AKAP8L: variants seen among roughly 807,000 people sequenced by gnomAD.
The protein encoded by AKAP8L is A-kinase anchor protein 8-like.
AKAP8L carries 34 observed loss-of-function variants against 77.5 expected under a neutral mutation model. The observed-to-expected ratio is 0.44, with a 90% CI of 0.33 to 0.58. The LOEUF is 0.58. Among genes scored for constraint, AKAP8L ranks in the 20% least tolerant of loss-of-function variants. AKAP8L has a pLI of 0.02. For synonymous variants in AKAP8L, 342 were observed against 340.7 expected (o/e 1.00, Z -0.04); for missense variants, 806 against 887.6 (o/e 0.91, Z 1.17).
At chr19:15,408,392 G>A (rs932419453) in intron 2 of AKAP8L, among the ~76,000 whole-genome samples, 3 of 151,798 alleles carry the variant, frequency 2.0e-5, no homozygotes, top group African/African-American at 7.3e-5. Context: ...TGGTGAAACC[G>A]TCTCTACTAA....
In AKAP8L at chr19:15,403,297, G is replaced by C; in HGVS notation, c.362+178C>G. On this transcript the variant is annotated intron_variant, in intron 4 of 13. Coordinates refer to ENST00000397410, the MANE Select transcript of AKAP8L (RefSeq NM_014371.4). The surrounding 1 kb of genome is among the most constrained non-coding windows in gnomAD (Gnocchi z 4.3). ...GGCAGTGCGGCAGGGGTTGAGGGTG[G>C]GTGAGAGGAGACACAAGTCAGAGAC... 1.6e-6 allele frequency: 1 copy of C among 627,684 alleles called. No individual in the cohort carries two copies. The highest frequency in any genetic ancestry group is 2.8e-6 in the Non-Finnish European group (1 of 355,242). 38.9% of individuals were successfully genotyped at this position (627,684 alleles called of 1,614,324 possible).
rs1016258153 is a variant in AKAP8L at position 15,398,784 on chromosome 19, C to T, written c.1157+518G>A. ...CGGGAGCCCTGAGGGCAGACAGACC[C>T]GACCAAGGGGCGTGAAGGGCTCAGC... On this transcript the variant is annotated intron_variant, in intron 9 of 13. Coordinates refer to ENST00000397410, the MANE Select transcript of AKAP8L (RefSeq NM_014371.4). The surrounding 1 kb of genome is among the most constrained non-coding windows in gnomAD (Gnocchi z 9.2). 25 of 997,138 alleles carry T rather than the reference C, an allele frequency of 2.5e-5. No individual in the cohort carries two copies. The highest frequency in any genetic ancestry group is 3.5e-5 in the African/African-American group (2 of 57,302). The allele number at this position is 997,138 out of a possible 1,614,324, so 61.8% of individuals were successfully genotyped here.
intron 12 of AKAP8L, among the ~76,000 whole-genome samples, chr19:15,387,054 C>T (rs1967553959): frequency 6.6e-6 from 1 of 152,200 alleles, no homozygotes; most frequent in Non-Finnish European, 1.5e-5. Flanking sequence ...TATCTTCTAC[C>T]CAGCCACACG....
chr19:15,398,820 C>T lies in AKAP8L; in HGVS notation c.1157+482G>A. 9.8e-7 allele frequency: 1 copy of T among 1,016,738 alleles called. No individual in the cohort carries two copies. The highest frequency in any genetic ancestry group is 1.2e-6 in the Non-Finnish European group (1 of 849,204). The allele number at this position is 1,016,738 out of a possible 1,614,324, so 63.0% of individuals were successfully genotyped here. ...CGTGAAGGGCTCAGCCGCAGACAGGCCCGGCCTGACAGGGCCGGCGGGCAG... is the reference window on the plus strand; with the variant it reads ...CGTGAAGGGCTCAGCCGCAGACAGGTCCGGCCTGACAGGGCCGGCGGGCAG... On this transcript the variant is annotated intron_variant, in intron 9 of 13. Transcript: ENST00000397410. The surrounding 1 kb of genome is among the most constrained non-coding windows in gnomAD (Gnocchi z 9.2).
intron 2 of AKAP8L, among the ~76,000 whole-genome samples, chr19:15,408,051 T>G (rs779469773): frequency 6.6e-6 from 1 of 152,186 alleles, no homozygotes; most frequent in African/African-American, 2.4e-5. Context: ...TTCCAACACT[T>G]TGGGAGGCCG....
At chr19:15,410,437 G>A in intron 2 of AKAP8L, 83 bp downstream of exon 2, 6 of 1,195,014 alleles carry the variant, frequency 5.0e-6, no homozygotes, top group Non-Finnish European at 6.0e-6. Context: ...GCATGACAGG[G>A]TGACAGCAAA....
chr19:15,410,398 C>T (rs984456973), intron 2 of AKAP8L, 122 bp downstream of exon 2: 5 of 807,756 alleles, frequency 6.2e-6, no homozygotes, highest in African/African-American at 5.2e-5. Flanking sequence ...AATGGCCACA[C>T]CATTTCACAC....
In AKAP8L at chr19:15,397,836, G is replaced by C; in HGVS notation, c.1177C>G (p.Leu393Val). 1.9e-6 allele frequency: 3 copies of C among 1,613,916 alleles called. No homozygotes were observed. Among genetic ancestry groups the C allele is most frequent in the Non-Finnish European group, 2.5e-6 (3 of 1,179,866 alleles). ...TCATAGAAGGTCCGGTATTTGCACA[G>C]AGAACACACAAACTGGATCCTGCCA... ...MVERIQFVCS[L>V]CKYRTFYEDE... Residue 393 changes from leucine (L) to valine (V), a missense_variant, in exon 10 of 14, where the codon CTG (leucine) becomes GTG (valine). Leu to Val is a conservative substitution (Grantham distance 32). Coordinates refer to ENST00000397410, the MANE Select transcript of AKAP8L (RefSeq NM_014371.4). This position sits in a 1 kb window ranked among gnomAD's most constrained non-coding sequence, Gnocchi z 4.7.
chr19:15,381,386 T>C (rs1568259262), intron 12 of AKAP8L, among the ~76,000 whole-genome samples: 2 of 152,166 alleles, frequency 1.3e-5, no homozygotes, highest in Non-Finnish European at 2.9e-5. Context: ...AGGTGTATAA[T>C]ATAGTACTGT....
rs1173155423 is a variant in AKAP8L, at chr19:15,403,240, T to C, written c.362+235A>G. The C allele has an allele frequency of 5.4e-6, 3 of 554,056 alleles. No homozygotes were observed. Among genetic ancestry groups the C allele is most frequent in the East Asian group, 6.2e-5 (2 of 32,142 alleles). The allele number at this position is 554,056 out of a possible 1,614,324, so 34.3% of individuals were successfully genotyped here. A position where few individuals can be genotyped will look rare whatever the true frequency, so the allele number is the denominator to read the frequency against. On this transcript the variant is annotated intron_variant, in intron 4 of 13. Transcript: ENST00000397410. This position sits in a 1 kb window ranked among gnomAD's most constrained non-coding sequence, Gnocchi z 4.3. ...AGTCTGCCCAGTCTGGGCTTGTTCC[T>C]CTCACCGCAAGCTGGGAAAGGCTGA...
At chr19:15,406,362 G>GGAGAGAGAGAGAGAGAGAGAGAGAGAGA (rs3040938) in intron 2 of AKAP8L, among the ~76,000 whole-genome samples, 7 of 89,364 alleles carry the variant, frequency 7.8e-5, no homozygotes, top group Admixed American at 2.3e-4. Context: ...GAAATTTTAA[G>GGAGAGAGAGAGAGAGAGAGAGAGAGAGA]GAGAGAGAGA....
chr19:15,397,196 A>G lies in AKAP8L; in HGVS notation c.1490T>C (p.Ile497Thr). ...CATGGTCTTCAGATGCTTCTGGATG[A>G]TCCCAAACTGCATGGGAATGAAGAG... is the stretch of plus-strand genomic sequence containing the variant. ...CDLFIPMQFG[I>T]IQKHLKTMDH... The change falls in exon 12 of 14, where the codon ATC becomes ACC. Residue 497 changes from isoleucine (I) to threonine (T), a missense_variant. By Grantham distance (89) the Ile-to-Thr change is moderately conservative (BLOSUM62 -1). Transcript: ENST00000397410. The surrounding 1 kb of genome is among the most constrained non-coding windows in gnomAD (Gnocchi z 4.7). 1 of 1,613,998 alleles carries G rather than the reference A, an allele frequency of 6.2e-7. No homozygotes were observed. Among genetic ancestry groups the G allele is most frequent in the Non-Finnish European group, 8.5e-7 (1 of 1,179,902 alleles).
At chr19:15,418,789 T>A in intron 1 of AKAP8L, 122 bp downstream of exon 1, 2 of 980,966 alleles carry the variant, frequency 2.0e-6, no homozygotes, top group Admixed American at 4.4e-5. Flanking sequence ...GCGGCGCCAT[T>A]TTGTGACCGC....
chr19:15,417,907 C>A (rs1305547199), intron 1 of AKAP8L, among the ~76,000 whole-genome samples: 1 of 152,174 alleles, frequency 6.6e-6, no homozygotes, highest in Non-Finnish European at 1.5e-5. Context: ...GATTTACAGT[C>A]GCCCAAGCAT....
In AKAP8L at chr19:15,401,260, T is replaced by C. The variant is rs778593065; in HGVS notation, c.706A>G (p.Met236Val). Residue 236 changes from methionine to valine, a missense_variant, in exon 5 of 14, where the codon ATG becomes GTG. Transcript: ENST00000397410. This position sits in a 1 kb window ranked among gnomAD's most constrained non-coding sequence, Gnocchi z 6.2. ...CCCGGGAAGGCGCCCCCACCTCGCA[T>C]GCCCTGGAACATGCCGTACTCGGGG... ...IIPEYGMFQG[M>V]RGGGAFPGGS... 123 of 1,613,698 alleles carry C rather than the reference T, an allele frequency of 7.6e-5. No homozygotes were observed. The highest frequency in any genetic ancestry group is 9.5e-5 in the Non-Finnish European group (112 of 1,179,850).
rs1253723852 is a variant in AKAP8L at position 15,418,988 on chromosome 19, T to C, written c.-65A>G. ...CTGCTCTGAACATCCGACGCTGCGA[T>C]AGCTGCTGCTAACCACAGGGTCCCC... On this transcript the variant is annotated 5_prime_UTR_variant, in exon 1 of 14. Transcript: ENST00000397410. The C allele has an allele frequency of 1.1e-5, 17 of 1,599,748 alleles. No homozygotes were observed. The highest frequency in any genetic ancestry group is 2.2e-5 in the East Asian group (1 of 44,804).
chr19:15,413,192 T>TC (rs1358877339), intron 1 of AKAP8L, among the ~76,000 whole-genome samples: 1 of 152,150 alleles, frequency 6.6e-6, no homozygotes, highest in Admixed American at 6.5e-5. Flanking sequence ...ACTCTGCAAT[T>TC]CCCCCAGGTC....
rs376187493 is a variant in AKAP8L at position 15,401,576 on chromosome 19, C to T, written c.390G>A (p.Ser130=). 5.6e-6 allele frequency: 9 copies of T among 1,607,312 alleles called. No homozygotes were observed. Among genetic ancestry groups the T allele is most frequent in the African/African-American group, 1.3e-5 (1 of 74,804 alleles). ...ERYDSYESCD[S]RAVLSERDLY... is the part of the protein sequence containing the mutation. ...GGTCGCGCTCACTCAGGACGGCCCT[C>T]GAGTCGCAGGACTCATAAGAGTCAT... Residue 130 remains serine, a synonymous_variant, in exon 5 of 14, where the codon TCG becomes TCA. Coordinates refer to ENST00000397410, the MANE Select transcript of AKAP8L (RefSeq NM_014371.4). The surrounding 1 kb of genome is among the most constrained non-coding windows in gnomAD (Gnocchi z 6.2).
At chr19:15,405,221 C>A (rs2145138552) in intron 2 of AKAP8L, among the ~76,000 whole-genome samples, 1 of 152,318 alleles carries the variant, frequency 6.6e-6, no homozygotes, top group South Asian at 2.1e-4. Flanking sequence ...GCAAGAGAGG[C>A]TGGCAGAGCC....
Sources: gnomAD v4.1 joint callset for allele counts (sites outside exome capture counted in the v4.1 genomes callset) on GRCh38, gnomAD v4.1.1 for gene constraint, Gnocchi (gnomAD v3.1) non-coding constraint, MANE v1.5 for transcripts, NCBI Gene and HGNC (gene_info 2026-07-23, HGNC 2026-07-21) for gene names.